Variants in ANK2 observed in about 807,000 individuals in gnomAD.
ANK2 encodes the protein ankyrin-2.
In ANK2, 83 loss-of-function variants were observed where a neutral mutation model predicts 360.5. The observed-to-expected ratio is 0.23, with a 90% CI of 0.19 to 0.28. The LOEUF is 0.28. Ranked by LOEUF, ANK2 falls within the 10% of genes least tolerant of loss-of-function variation. ANK2 has a pLI of 1.00. For synonymous variants in ANK2, 1,740 were observed against 1,759.5 expected, an observed-to-expected ratio of 0.99 and a Z score of 0.28; for missense variants, 4,201 against 4,795.7, an observed-to-expected ratio of 0.88 and a Z score of 3.66.
chr4:113,084,652 T>C (rs1216187797), intron 1 of ANK2, among the ~76,000 whole-genome samples: 2 of 152,240 alleles, frequency 1.3e-5, no homozygotes, highest in Non-Finnish European at 2.9e-5. Context: ...AACTATTTTT[T>C]ACTTTTTAAG....
At chr4:113,340,197 G>A (rs2094105264) in intron 32 of ANK2, among the ~76,000 whole-genome samples, 1 of 152,198 alleles carries the variant, frequency 6.6e-6, no homozygotes, top group Non-Finnish European at 1.5e-5. Flanking sequence ...ATATAGACCA[G>A]AGGGACTAAA....
At chr4:112,860,710 A>G (rs1183221585) in intron 1 of ANK2, among the ~76,000 whole-genome samples, 1 of 152,160 alleles carries the variant, frequency 6.6e-6, no homozygotes, top group African/African-American at 2.4e-5. Context: ...AATGAGTACC[A>G]GTGGAATATA....
intron 24 of ANK2, among the ~76,000 whole-genome samples, chr4:113,315,766 G>A (rs2082500072): frequency 6.6e-6 from 1 of 151,964 alleles, no homozygotes; most frequent in Non-Finnish European, 1.5e-5. Context: ...AGGCGTGGTG[G>A]CAGGCGCCTG....
chr4:112,908,834 T>C (rs1291034833), intron 2 of ANK2, among the ~76,000 whole-genome samples: 1 of 152,240 alleles, frequency 6.6e-6, no homozygotes, highest in Non-Finnish European at 1.5e-5. Flanking sequence ...GTCTGGCCAG[T>C]GTCCCTGCCA....
At chr4:112,789,174 G>C in the ANK2 span, among the ~76,000 whole-genome samples, 2 of 152,088 alleles carry the variant, frequency 1.3e-5, no homozygotes, top group Non-Finnish European at 2.9e-5. Flanking sequence ...ATTATACTGT[G>C]GTAAAATGGA....
At chr4:113,369,380 C>A (rs1054303785) in intron 42 of ANK2, 134 bp from the exon 43 acceptor site, 42 of 938,746 alleles carry the variant, frequency 4.5e-5, no homozygotes, top group Admixed American at 2.5e-4. Flanking sequence ...CCTTTCTTGG[C>A]CAAATGTACA....
chr4:113,045,611 A>G (rs912630555), upstream of ANK2, among the ~76,000 whole-genome samples: 1 of 152,068 alleles, frequency 6.6e-6, no homozygotes, highest in Non-Finnish European at 1.5e-5. Context: ...ATATGCTGGC[A>G]CTCTTATAGG....
intron 1 of ANK2, among the ~76,000 whole-genome samples, chr4:112,842,175 A>G (rs2062242895): frequency 6.6e-6 from 1 of 151,890 alleles, no homozygotes; most frequent in Non-Finnish European, 1.5e-5. Flanking sequence ...ACACCTGGCT[A>G]ATTTTTGTAT....
chr4:112,731,661 A>G, the ANK2 span, among the ~76,000 whole-genome samples: 14 of 152,192 alleles, frequency 9.2e-5, no homozygotes, highest in Admixed American at 2.6e-4. Flanking sequence ...TGAGCCTGGG[A>G]GTTTGAAGCT....
At chr4:113,342,949 A>G in intron 33 of ANK2, 68 bp from the exon 34 acceptor site, 12 of 1,596,946 alleles carry the variant, frequency 7.5e-6, no homozygotes, top group Non-Finnish European at 1.0e-5. Flanking sequence ...TAGTACTACC[A>G]CTTCTTTGTG....
At chr4:113,174,034 T>G in intron 1 of ANK2, 1 of 191,966 alleles carries the variant, frequency 5.2e-6, no homozygotes, top group East Asian at 1.5e-4. Flanking sequence ...CTGATTCTTT[T>G]TTGACTTGAG....
chr4:112,869,649 T>A (rs2072119956), intron 1 of ANK2, among the ~76,000 whole-genome samples: 1 of 152,190 alleles, frequency 6.6e-6, no homozygotes, highest in African/African-American at 2.4e-5. Context: ...ATGTATTTAT[T>A]TTTCTTTTGT....
chr4:113,345,041 AC>A (rs2094685732), intron 34 of ANK2, among the ~76,000 whole-genome samples: 1 of 152,072 alleles, frequency 6.6e-6, no homozygotes, highest in African/African-American at 2.4e-5. Flanking sequence ...CAAACTAGAC[AC>A]CTTTTTAGGT....
In ANK2 at chr4:112,910,843, G is replaced by A. The variant is rs145805480; in HGVS notation, c.21+6329G>A. ...ATGTTGAAAGAGAATTCTATATTTA[G>A]CCTTCTTTTAAAAAGTTTTTAATAC... On this transcript the variant is annotated intron_variant, in intron 2 of 30. Transcript: ENST00000503271. Among the ~76,000 whole-genome samples the A allele has an allele frequency of 2.1e-3, 319 of 152,020 alleles. 4 individuals carry two copies. The highest frequency in any genetic ancestry group is 7.3e-3 in the African/African-American group (304 of 41,448).
intron 1 of ANK2, among the ~76,000 whole-genome samples, chr4:113,168,645 G>A (rs2097840559): frequency 1.3e-5 from 2 of 152,132 alleles, no homozygotes; most frequent in Admixed American, 6.5e-5. Flanking sequence ...ATTGTCAAGT[G>A]GGATTTTGCA....
At chr4:113,124,933 C>T (rs756780048) in intron 1 of ANK2, among the ~76,000 whole-genome samples, 7 of 151,866 alleles carry the variant, frequency 4.6e-5, no homozygotes, top group Non-Finnish European at 7.4e-5. Flanking sequence ...AGTTGAAGAC[C>T]AGGCCAGGCA....
the ANK2 span, among the ~76,000 whole-genome samples, chr4:112,727,752 G>C: frequency 1.3e-5 from 2 of 152,166 alleles, no homozygotes; most frequent in Admixed American, 1.3e-4. Flanking sequence ...GCTGAGGTGG[G>C]CAGATCACCT....
intron 1 of ANK2, among the ~76,000 whole-genome samples, chr4:113,073,819 C>A (rs2078780618): frequency 6.6e-6 from 1 of 152,214 alleles, no homozygotes; most frequent in Admixed American, 6.5e-5. Context: ...CTCTACGCAG[C>A]ATGCTGGAAG....
chr4:113,136,360 C>T (rs943577140), intron 1 of ANK2, among the ~76,000 whole-genome samples: 1 of 151,968 alleles, frequency 6.6e-6, no homozygotes, highest in Non-Finnish European at 1.5e-5. Flanking sequence ...AATAAAAGTC[C>T]AGAGGAAATT....
Sources: allele counts gnomAD v4.1 joint callset (sites outside exome capture counted in the v4.1 genomes callset), GRCh38; gene constraint gnomAD v4.1.1; transcripts MANE v1.5; gene names NCBI Gene and HGNC (gene_info 2026-07-23, HGNC 2026-07-21).